LARP4B: variants seen among roughly 807,000 people sequenced by gnomAD.
LARP4B encodes La ribonucleoprotein 4B.
Under a neutral mutation model 89.8 loss-of-function variants are expected in LARP4B, and 12 were observed. The ratio of observed to expected loss-of-function variants is 0.13; its 90% confidence interval spans 0.09 to 0.22. The LOEUF is 0.22. Ranked by LOEUF, LARP4B falls within the 10% of genes least tolerant of loss-of-function variation. LARP4B has a pLI of 1.00. For missense variants in LARP4B, 757 were observed against 947.7 expected, an observed-to-expected ratio of 0.80 and a Z score of 2.64; for synonymous variants, 367 against 363.3, an observed-to-expected ratio of 1.01 and a Z score of -0.12.
the LARP4B span, among the ~76,000 whole-genome samples, chr10:951,370 G>A: frequency 6.6e-6 from 1 of 152,000 alleles, no homozygotes; most frequent in African/African-American, 2.4e-5. Context: ...CCAATATGGT[G>A]AAACCCCGTC....
chr10:841,969 T>A (rs1029171374), intron 7 of LARP4B, among the ~76,000 whole-genome samples: 1 of 151,828 alleles, frequency 6.6e-6, no homozygotes, highest in African/African-American at 2.4e-5. Context: ...TAAAGTCAAA[T>A]TCATACAAGA....
chr10:934,507 A>G (rs572106225), upstream of LARP4B, among the ~76,000 whole-genome samples: 1 of 152,030 alleles, frequency 6.6e-6, no homozygotes, highest in Non-Finnish European at 1.5e-5. Context: ...GAAAAAGAAA[A>G]AAACTAAAAC....
chr10:978,610 T>C, the LARP4B span, among the ~76,000 whole-genome samples: 43 of 152,326 alleles, frequency 2.8e-4, no homozygotes, highest in Non-Finnish European at 5.4e-4. Context: ...TTACCAAGTC[T>C]TAAGTTCATC....
the LARP4B span, among the ~76,000 whole-genome samples, chr10:967,436 T>C: frequency 2.0e-5 from 3 of 151,908 alleles, no homozygotes; most frequent in African/African-American, 7.3e-5. Context: ...GAAGATAAAA[T>C]CTTTAAAAAC....
the LARP4B span, among the ~76,000 whole-genome samples, chr10:955,147 C>T: frequency 6.6e-6 from 1 of 152,204 alleles, no homozygotes; most frequent in Admixed American, 6.5e-5. The surrounding 1 kb of genome is among the most constrained non-coding windows in gnomAD (Gnocchi z 5.2). Context: ...GCCACACTCT[C>T]GGGCAGCTCT....
chr10:880,587 G>A (rs1338106607), intron 3 of LARP4B, among the ~76,000 whole-genome samples: 1 of 152,092 alleles, frequency 6.6e-6, no homozygotes, highest in African/African-American at 2.4e-5. Context: ...TCAGAAGGCT[G>A]AGGCACAAGA....
intron 3 of LARP4B, among the ~76,000 whole-genome samples, chr10:874,234 C>CAAAAAAAACAAAACA (rs60052105): frequency 2.9e-4 from 44 of 152,018 alleles, no homozygotes; most frequent in African/African-American, 8.0e-4. Flanking sequence ...GACTCCATCT[C>CAAAAAAAACAAAACA]AAACAAAACA....
rs531588239 is a variant in LARP4B, at chr10:872,967, C to T, written c.142-8697G>A. The T allele has an allele frequency of 6.0e-5, 57 of 943,892 alleles. No homozygotes were observed. The African/African-American group carries it at 1.0e-3, about 17-fold the overall frequency. The allele number at this position is 943,892 out of a possible 1,614,324, so 58.5% of individuals were successfully genotyped here. A position where few individuals can be genotyped will look rare whatever the true frequency, so the allele number is the denominator to read the frequency against. ...CTTGTCCGCGCGCTAACGCCAGCTA[C>T]ACTGCTGGCTCCACTGCCAGTACGG... On this transcript the variant is annotated intron_variant, in intron 3 of 17. Coordinates refer to ENST00000316157, the MANE Select transcript of LARP4B (RefSeq NM_015155.3).
chr10:974,196 G>A, the LARP4B span, among the ~76,000 whole-genome samples: 1 of 150,674 alleles, frequency 6.6e-6, no homozygotes, highest in Admixed American at 6.6e-5. Context: ...ACAGCACGGG[G>A]TAACCAGGAG....
At chr10:914,513 C>T (rs576641894) in intron 1 of LARP4B, among the ~76,000 whole-genome samples, 3 of 147,608 alleles carry the variant, frequency 2.0e-5, no homozygotes, top group East Asian at 3.9e-4. Flanking sequence ...AAAAAAAAGT[C>T]GAGTGAGGCG....
intron 5 of LARP4B, among the ~76,000 whole-genome samples, chr10:861,720 C>A (rs1422042247): frequency 1.3e-5 from 2 of 152,100 alleles, no homozygotes; most frequent in Admixed American, 6.6e-5. Flanking sequence ...GATAACATTA[C>A]CCATCTTCCA....
rs189258249 is a variant in LARP4B, at chr10:827,844, C to T, written c.1125+1541G>A. On this transcript the variant is annotated intron_variant, in intron 11 of 17. Transcript: ENST00000316157. The stretch of plus-strand genomic sequence containing the variant: ...CTCTCATGATATGCTTTTGGGAAAA[C>T]GAAGTATTCAGCTATGGGTACACTT... Among the ~76,000 whole-genome samples, 30 of 152,274 alleles carry T rather than the reference C, an allele frequency of 2.0e-4. No individual in the cohort carries two copies. The East Asian group carries it at 4.6e-3, about 23-fold the overall frequency.
At chr10:807,392 A>G (rs1191669118), downstream of LARP4B, 1 of 152,308 alleles carries the variant, frequency 6.6e-6, no homozygotes, top group Non-Finnish European at 1.5e-5. Flanking sequence ...GGCCGAGGAA[A>G]TCCTGGTCGT....
rs953943701 is a variant in LARP4B, at chr10:811,134, C to G, written c.*1792G>C. On this transcript the variant is annotated 3_prime_UTR_variant, in exon 18 of 18. Transcript: ENST00000316157. ...AGGCTTTTAATAAGACTTTCCAATT[C>G]CCTTTTGCAGCAAAGAGGCAGAATC... 5 of 152,558 alleles carry G rather than the reference C, an allele frequency of 3.3e-5. No homozygotes were observed. The highest frequency in any genetic ancestry group is 1.2e-4 in the African/African-American group (5 of 41,406). 9.5% of individuals were successfully genotyped at this position (152,558 alleles called of 1,614,324 possible). A position where few individuals can be genotyped will look rare whatever the true frequency, so the allele number is the denominator to read the frequency against.
intron 3 of LARP4B, among the ~76,000 whole-genome samples, chr10:869,754 C>T (rs1366688840): frequency 6.6e-6 from 1 of 151,778 alleles, no homozygotes; most frequent in Non-Finnish European, 1.5e-5. Context: ...TGTAGTGGCA[C>T]ATGCCTGTAA....
At chr10:878,621 G>A (rs747282250) in intron 3 of LARP4B, among the ~76,000 whole-genome samples, 5 of 152,092 alleles carry the variant, frequency 3.3e-5, no homozygotes, top group Non-Finnish European at 7.4e-5. Context: ...GTACTTTTAC[G>A]ATCTGTGCAC....
At chr10:885,885 G>T in intron 1 of LARP4B, 125 bp from the exon 2 acceptor site, 1 of 525,950 alleles carries the variant, frequency 1.9e-6, no homozygotes, top group Non-Finnish European at 3.3e-6. Flanking sequence ...AAAGTTTAAA[G>T]AAGTCTTCCC....
Position 908,987 on chromosome 10 carries a change from G to A in LARP4B, c.-40+22441C>T, listed in dbSNP as rs143280529. ...TACACACCACAGCCAAACGGCAGGC[G>A]TGGGAGCTATGAAATTCCAAGTTGC... is the stretch of plus-strand genomic sequence containing the variant. On this transcript the variant is annotated intron_variant, in intron 1 of 17. Transcript: ENST00000316157. Among the ~76,000 whole-genome samples, 656 of 152,180 alleles carry A rather than the reference G, an allele frequency of 4.3e-3. 4 individuals are homozygous for A. The highest frequency in any genetic ancestry group is 9.5e-3 in the Admixed American group (145 of 15,292).
rs1386772009 is a variant in LARP4B, at chr10:900,770, C to CTAATTT, written c.-39-15011_-39-15010insAAATTA. 9.4e-4 allele frequency among the ~76,000 whole-genome samples: 142 copies of CTAATTT among 151,282 alleles called. No homozygotes were observed. The South Asian group carries it at 0.011, about 11-fold the overall frequency. On this transcript the variant is annotated intron_variant, in intron 1 of 17. Transcript: ENST00000316157. Reference sequence around the variant, plus strand: ...GAGTAGCTGGGACTACAGGTGCACGCCACCACGCTTGGCTAATTTTTGTAT... The same window carrying CTAATTT: ...GAGTAGCTGGGACTACAGGTGCACGCTAATTTCACCACGCTTGGCTAATTTTTGTAT...
Sources: allele counts gnomAD v4.1 joint callset (sites outside exome capture counted in the v4.1 genomes callset), GRCh38; gene constraint gnomAD v4.1.1; non-coding constraint Gnocchi (gnomAD v3.1); transcripts MANE v1.5; gene names NCBI Gene and HGNC (gene_info 2026-07-23, HGNC 2026-07-21).